Variants in CIT observed in about 807,000 individuals in gnomAD.
The protein encoded by CIT is citron Rho-interacting kinase.
A neutral mutation model predicts 272.7 loss-of-function variants in CIT; 79 were observed. The observed-to-expected ratio is 0.29, with a 90% CI of 0.24 to 0.35. The LOEUF (loss-of-function observed/expected upper bound fraction) is 0.35. Ranked by LOEUF, CIT falls within the 10% of genes least tolerant of loss-of-function variation. CIT has a pLI of 1.00. For synonymous variants in CIT, 948 were observed against 995.6 expected (o/e 0.95, Z 0.90); for missense variants, 1,909 against 2,618.3 (o/e 0.73, Z 5.91).
chr12:119,704,270 C>A, intron 41 of CIT, 93 bp downstream of exon 41: 1 of 1,178,330 alleles, frequency 8.5e-7, no homozygotes, highest in South Asian at 1.3e-5. Context: ...CCAGTACAGG[C>A]TGTGTCCCAG....
chr12:119,738,499 T>A (rs1012685436), intron 24 of CIT, among the ~76,000 whole-genome samples: 5 of 152,098 alleles, frequency 3.3e-5, no homozygotes, highest in Admixed American at 1.3e-4. Context: ...GAGCAAAATA[T>A]CTTCACAACG....
intron 33 of CIT, 34 bp downstream of exon 33, chr12:119,714,163 G>A (rs751859553): frequency 6.2e-7 from 1 of 1,608,216 alleles, no homozygotes; most frequent in East Asian, 2.2e-5. Flanking sequence ...AGATGCACAG[G>A]TGCCCAGCAC....
intron 24 of CIT, 66 bp downstream of exon 24, chr12:119,742,345 G>A (rs760281252): frequency 2.5e-5 from 29 of 1,139,728 alleles, no homozygotes; most frequent in Middle Eastern, 4.1e-4. Context: ...TTAAAGAGAC[G>A]TCCCCTTTTC....
At chr12:119,703,206 T>C (rs1956686697) in intron 41 of CIT, among the ~76,000 whole-genome samples, 1 of 152,104 alleles carries the variant, frequency 6.6e-6, no homozygotes, top group South Asian at 2.1e-4. Flanking sequence ...TAACTGAGGA[T>C]TTTCTGCCAG....
Position 119,838,536 on chromosome 12 carries a change from C to T in CIT, c.517-4308G>A, listed in dbSNP as rs116353956. Among the ~76,000 whole-genome samples the T allele has an allele frequency of 6.8e-3, 1,030 of 152,236 alleles. 6 individuals carry two copies. Among genetic ancestry groups the T allele is most frequent in the African/African-American group, 0.023 (939 of 41,548 alleles). ...GAATCTATAGTAAAAGGAGCTACTG[C>T]GGTGATTCAGAGGCAGCTAGCCCAG... On this transcript the variant is annotated intron_variant, in intron 5 of 47. Transcript: ENST00000392521.
chr12:119,706,942 G>A (rs1229258148), intron 40 of CIT, among the ~76,000 whole-genome samples: 2 of 152,174 alleles, frequency 1.3e-5, no homozygotes, highest in East Asian at 3.9e-4. Context: ...GACCTCACCA[G>A]CATCTGTTAT....
intron 26 of CIT, among the ~76,000 whole-genome samples, chr12:119,731,813 AATATATATAT>A (rs57327382): frequency 1.3e-3 from 174 of 139,056 alleles, no homozygotes; most frequent in African/African-American, 4.3e-3. Context: ...TTCTCTCCTA[AATATATATAT>A]ATATATATAT....
chr12:119,759,965 T>A (rs1165934005), intron 20 of CIT, among the ~76,000 whole-genome samples: 5 of 151,982 alleles, frequency 3.3e-5, no homozygotes, highest in Non-Finnish European at 7.4e-5. Context: ...GGTGGGCAGA[T>A]CACTTGAGGT....
chr12:119,724,453 A>C (rs1957975936), intron 28 of CIT, among the ~76,000 whole-genome samples: 1 of 152,220 alleles, frequency 6.6e-6, no homozygotes, highest in African/African-American at 2.4e-5. Context: ...ATGTTCTAAG[A>C]ATGAGAGTTG....
intron 2 of CIT, among the ~76,000 whole-genome samples, chr12:119,874,395 A>G (rs1299684358): frequency 3.3e-5 from 5 of 152,158 alleles, no homozygotes; most frequent in African/African-American, 1.2e-4. Context: ...AGAAAAGGTA[A>G]CTGACTCACC....
chr12:119,734,959 A>G (rs78313149), intron 25 of CIT, among the ~76,000 whole-genome samples: 1 of 152,044 alleles, frequency 6.6e-6, no homozygotes, highest in East Asian at 1.9e-4. Flanking sequence ...CCTATTTTTT[A>G]AAATCAAAAT....
In CIT at chr12:119,771,059, T is replaced by C. The variant is rs1360115275; in HGVS notation, c.2083-149A>G. 3 of 889,540 alleles carry C rather than the reference T, an allele frequency of 3.4e-6. No individual in the cohort carries two copies. In the East Asian group the frequency reaches 7.6e-5, roughly 22 times the overall value. 55.1% of individuals were successfully genotyped at this position (889,540 alleles called of 1,614,324 possible). A position where few individuals can be genotyped will look rare whatever the true frequency, so the allele number is the denominator to read the frequency against. On this transcript the variant is annotated intron_variant, in intron 17 of 47. Transcript: ENST00000392521. ...CGAAGCAACAGCAGAGAAAATAAGA[T>C]TCTATAATCTAGGTACTCAGTTGTG... is the stretch of plus-strand genomic sequence containing the variant.
intron 17 of CIT, among the ~76,000 whole-genome samples, chr12:119,772,378 G>C (rs893046280): frequency 6.6e-6 from 1 of 152,132 alleles, no homozygotes; most frequent in African/African-American, 2.4e-5. Context: ...TTGACGCGCA[G>C]GTAATAGGTG....
intron 23 of CIT, among the ~76,000 whole-genome samples, chr12:119,743,315 T>C (rs1401547343): frequency 6.6e-6 from 1 of 151,834 alleles, no homozygotes; most frequent in East Asian, 1.9e-4. Context: ...AGGTGGCATG[T>C]AAGCTGAAAC....
At chr12:119,812,409 A>G (rs755746690) in intron 9 of CIT, among the ~76,000 whole-genome samples, 1 of 151,896 alleles carries the variant, frequency 6.6e-6, no homozygotes, top group Non-Finnish European at 1.5e-5. Flanking sequence ...CGATCTCTTT[A>G]GTACCCTTTT....
intron 1 of CIT, among the ~76,000 whole-genome samples, chr12:119,877,014 G>A (rs1471082717): frequency 1.3e-5 from 2 of 152,202 alleles, no homozygotes; most frequent in Admixed American, 6.5e-5. Context: ...TGGTTTAGGG[G>A]AGGAGCAAGC....
intron 7 of CIT, among the ~76,000 whole-genome samples, chr12:119,830,401 C>T (rs1490422634): frequency 6.6e-6 from 1 of 151,932 alleles, no homozygotes; most frequent in African/African-American, 2.4e-5. Flanking sequence ...GGAACCCTGT[C>T]TCTCCACCAA....
At position 119,701,546 on chromosome 12, in the gene CIT, T is replaced by C. The variant is rs1253908746; in HGVS notation, c.5542+78A>G. 5 of 1,537,156 alleles carry C rather than the reference T, an allele frequency of 3.3e-6. No homozygotes were observed. The South Asian group carries it at 3.5e-5, about 11-fold the overall frequency. ...AAACCTATCCTGCCCCAGAGCTCCA[T>C]GTACCCTCCTCCAACCCCTCATGGG... is the stretch of plus-strand genomic sequence containing the variant. On this transcript the variant is annotated intron_variant, in intron 43 of 47. Coordinates refer to ENST00000392521, the MANE Select transcript of CIT (RefSeq NM_001206999.2).
chr12:119,724,015 G>A (rs11064888), intron 28 of CIT, among the ~76,000 whole-genome samples: 7,483 of 152,282 alleles, frequency 0.049, 392 homozygotes, highest in African/African-American at 0.12. Context: ...AGGTGGCCGG[G>A]TGCAGTGGCT....
Sources: gnomAD v4.1 joint callset for allele counts (sites outside exome capture counted in the v4.1 genomes callset) on GRCh38, gnomAD v4.1.1 for gene constraint, MANE v1.5 for transcripts, NCBI Gene and HGNC (gene_info 2026-07-23, HGNC 2026-07-21) for gene names.